ALG12: variants seen among roughly 807,000 people sequenced by gnomAD.
ALG12 encodes the protein dol-P-Man:Man(7)GlcNAc(2)-PP-Dol alpha-1,6-mannosyltransferase.
Under a neutral mutation model 46.0 loss-of-function variants are expected in ALG12, and 36 were observed. The ratio of observed to expected loss-of-function variants is 0.78; its 90% CI spans 0.60 to 1.03. ALG12 has a LOEUF of 1.03. ALG12 is among the 50% of genes least tolerant of loss of function. The pLI is 0.00. For missense variants in ALG12, 599 were observed against 633.5 expected (o/e 0.95, Z 0.58); for synonymous variants, 326 against 291.6 (o/e 1.12, Z -1.20).
At chr22:49,874,214 G>C in the ALG12 span, among the ~76,000 whole-genome samples, 2 of 152,216 alleles carry the variant, frequency 1.3e-5, no homozygotes, top group Non-Finnish European at 2.9e-5. Flanking sequence ...TGATGAGTAT[G>C]ATGGGAGCTG....
downstream of ALG12, among the ~76,000 whole-genome samples, chr22:49,895,369 G>A (rs2060479932): frequency 6.6e-6 from 1 of 152,104 alleles, no homozygotes; most frequent in African/African-American, 2.4e-5. Flanking sequence ...TTTTAAAAGT[G>A]GGCCAGGTGT....
At chr22:49,884,802 C>T in the ALG12 span, 204 of 1,609,670 alleles carry the variant, frequency 1.3e-4, no homozygotes, top group Non-Finnish European at 1.6e-4. Flanking sequence ...TAAAGCCGGT[C>T]AGAGAGTCCC....
intron 3 of ALG12, among the ~76,000 whole-genome samples, chr22:49,911,313 T>C (rs560860761): frequency 4.6e-5 from 7 of 152,322 alleles, no homozygotes; most frequent in Middle Eastern, 6.8e-3. Flanking sequence ...TGGGCAGAGA[T>C]ACCCAGGCAC....
chr22:49,884,527 G>A, the ALG12 span: 13 of 1,614,030 alleles, frequency 8.1e-6, no homozygotes, highest in East Asian at 2.2e-5. Flanking sequence ...GAGAAGGTCC[G>A]CTGTCTGGAA....
At chr22:49,864,968 A>T in the ALG12 span, among the ~76,000 whole-genome samples, 72 of 92,806 alleles carry the variant, frequency 7.8e-4, no homozygotes, top group African/African-American at 3.5e-3. Context: ...GTCAGAAACC[A>T]CGGAGTCCAG....
chr22:49,887,700 A>T, the ALG12 span: 1 of 167,804 alleles, frequency 6.0e-6, no homozygotes, highest in Non-Finnish European at 1.5e-5. Flanking sequence ...TGTCCCGCGG[A>T]GTACAGATAA....
rs566204406 is a variant in ALG12 at position 49,910,899 on chromosome 22, T to C, written c.296-292A>G. On this transcript the variant is annotated intron_variant, in intron 3 of 9. Transcript: ENST00000330817. ...CTTGGGGGTGCCACGAGCTGAGCCC[T>C]ACACTAAACCAGAGACCCCACCGGG... 2.6e-5 allele frequency among the ~76,000 whole-genome samples: 4 copies of C among 152,324 alleles called. No homozygotes were observed. The South Asian group carries it at 6.2e-4, about 24-fold the overall frequency.
In ALG12 at chr22:49,913,752, C is replaced by T. The variant is rs775521847; in HGVS notation, c.14G>A (p.Gly5Glu). 1 of 1,613,642 alleles carries T rather than the reference C, an allele frequency of 6.2e-7. No individual in the cohort carries two copies. Residue 5 changes from glycine to glutamate, a missense_variant, in exon 2 of 10, where the codon GGG becomes GAG. Gly to Glu is a moderately conservative substitution (Grantham distance 98, BLOSUM62 -2). Coordinates refer to ENST00000330817, the MANE Select transcript of ALG12 (RefSeq NM_024105.4). MAGK[G>E]SSGRRPLLLG... is the part of the protein sequence containing the mutation. ...CAGCAGGGGCCGCCTGCCTGATGAC[C>T]CCTTTCCAGCCATTCCAGGCTTTCA...
At position 49,904,393 on chromosome 22, in the gene ALG12, T is replaced by G. The variant is rs1483515229; in HGVS notation, c.1106A>C (p.Asn369Thr). The change falls in exon 8 of 10, where the codon AAC (asparagine) becomes ACC (threonine). Residue 369 changes from asparagine (N) to threonine (T), a missense_variant. Physicochemically the swap from Asn to Thr is moderately conservative, Grantham distance 65 (BLOSUM62 0). Transcript: ENST00000330817. ...CTGCATTGCGACGCCACCTGGGTAG[T>G]TGAAATGGGACACATACAGGGCCGT... ...SATALYVSHF[N>T]YPGGVAMQRL... The G allele has an allele frequency of 6.2e-7, 1 of 1,614,166 alleles. No homozygotes were observed. The highest frequency in any genetic ancestry group is 8.5e-7 in the Non-Finnish European group (1 of 1,180,026).
At chr22:49,871,417 G>A in the ALG12 span, among the ~76,000 whole-genome samples, 2 of 151,962 alleles carry the variant, frequency 1.3e-5, no homozygotes, top group Admixed American at 6.6e-5. Flanking sequence ...CTTGGGAGGC[G>A]AAGCTTACAG....
At chr22:49,889,700 C>G in the ALG12 span, 164,077 of 167,368 alleles carry the variant, frequency 0.98, 80,432 homozygotes, top group East Asian at 1. Flanking sequence ...CAAACCGTCT[C>G]TGCCCTCCAG....
chr22:49,879,014 G>A, the ALG12 span, among the ~76,000 whole-genome samples: 38 of 151,298 alleles, frequency 2.5e-4, 2 homozygotes, highest in South Asian at 1.9e-3. Context: ...GTGTGGTGGC[G>A]CGTGCCTGTA....
At chr22:49,875,734 T>C in the ALG12 span, among the ~76,000 whole-genome samples, 4 of 152,336 alleles carry the variant, frequency 2.6e-5, no homozygotes, top group South Asian at 8.3e-4. Flanking sequence ...CCATTTCATC[T>C]GAGTTGCAGA....
the ALG12 span, chr22:49,886,548 C>T: frequency 6.4e-7 from 1 of 1,563,678 alleles, no homozygotes; most frequent in Non-Finnish European, 8.7e-7. The surrounding 1 kb of genome is among the most constrained non-coding windows in gnomAD (Gnocchi z 7.7). Context: ...CCATGGTACA[C>T]ATCCTCAACA....
chr22:49,864,953 G>GCCCCCGCCA, the ALG12 span, among the ~76,000 whole-genome samples: 1,191 of 8,950 alleles, frequency 0.13, 49 homozygotes, highest in Non-Finnish European at 0.3. Flanking sequence ...CCCCCCCCCC[G>GCCCCCGCCA]TGAAGTCAGA....
the ALG12 span, chr22:49,887,169 T>C: frequency 3.1e-6 from 5 of 1,609,396 alleles, no homozygotes; most frequent in Non-Finnish European, 4.2e-6. Context: ...TAATATACTT[T>C]CAGTATTGAA....
rs1265010222 is a variant in ALG12 at position 49,906,595 on chromosome 22, C to A, written c.992+1126G>T. 1.3e-5 allele frequency among the ~76,000 whole-genome samples: 2 copies of A among 152,210 alleles called. No homozygotes were observed. Among genetic ancestry groups the A allele is most frequent in the South Asian group, 4.1e-4 (2 of 4,830 alleles). ...ACAAGTGGCACCGGAAAGCACCTGA[C>A]CGCTGCCTGAGATCAGGGACCGCAT... On this transcript the variant is annotated intron_variant, in intron 7 of 9. Coordinates refer to ENST00000330817, the MANE Select transcript of ALG12 (RefSeq NM_024105.4). This position sits in a 1 kb window ranked among gnomAD's most constrained non-coding sequence, Gnocchi z 4.4.
chr22:49,880,020 T>C, the ALG12 span, among the ~76,000 whole-genome samples: 1 of 151,952 alleles, frequency 6.6e-6, no homozygotes, highest in Non-Finnish European at 1.5e-5. Flanking sequence ...TCAGCCATTT[T>C]GTATTTTACT....
chr22:49,872,765 C>T, the ALG12 span, among the ~76,000 whole-genome samples: 1 of 151,434 alleles, frequency 6.6e-6, no homozygotes, highest in South Asian at 2.1e-4. Context: ...AGTGCAGTGA[C>T]GTGATCGCGG....
Sources: allele counts gnomAD v4.1 joint callset (sites outside exome capture counted in the v4.1 genomes callset), GRCh38; gene constraint gnomAD v4.1.1; non-coding constraint Gnocchi (gnomAD v3.1); transcripts MANE v1.5; gene names NCBI Gene and HGNC (gene_info 2026-07-23, HGNC 2026-07-21).